Variants in UTRN observed in about 807,000 individuals in gnomAD.
The protein encoded by UTRN is utrophin, also known as dystrophin-related protein 1.
A neutral mutation model predicts 463.9 loss-of-function variants in UTRN; 283 were observed. The observed-to-expected ratio is 0.61, with a 90% CI of 0.55 to 0.67. The LOEUF (loss-of-function observed/expected upper bound fraction) is 0.67, where lower values mean the gene tolerates loss of function less well. UTRN is among the 30% of genes least tolerant of loss of function. The pLI, the probability that UTRN is intolerant of heterozygous loss-of-function variation, is 0.00. For missense variants in UTRN, 3,922 were observed against 4,084.3 expected (o/e 0.96, Z 1.08); for synonymous variants, 1,442 against 1,431.5 (o/e 1.01, Z -0.17).
At chr6:144,396,808 G>A (rs564576064) in intron 2 of UTRN, among the ~76,000 whole-genome samples, 87 of 150,024 alleles carry the variant, frequency 5.8e-4, no homozygotes, top group Non-Finnish European at 1.1e-3. Flanking sequence ...TGCATGTCAT[G>A]AGGGGTAAGT....
At chr6:144,706,429 G>A (rs115735682) in intron 53 of UTRN, among the ~76,000 whole-genome samples, 2,677 of 151,948 alleles carry the variant, frequency 0.018, 75 homozygotes, top group African/African-American at 0.061. Flanking sequence ...AAGCAAACCT[G>A]AGTTTTCATC....
At chr6:144,616,774 C>T (rs917854956) in intron 51 of UTRN, among the ~76,000 whole-genome samples, 1 of 152,114 alleles carries the variant, frequency 6.6e-6, no homozygotes, top group Non-Finnish European at 1.5e-5. Context: ...ATTGTACAGT[C>T]TCTCTGAATT....
At chr6:144,402,962 G>A (rs747256348) in intron 2 of UTRN, among the ~76,000 whole-genome samples, 161 bp from the exon 3 acceptor site, 1 of 152,084 alleles carries the variant, frequency 6.6e-6, no homozygotes, top group Non-Finnish European at 1.5e-5. Context: ...AGTGTACCGG[G>A]CAGTCATCAC....
At chr6:144,614,397 A>G (rs1805850967) in intron 51 of UTRN, among the ~76,000 whole-genome samples, 2 of 152,136 alleles carry the variant, frequency 1.3e-5, no homozygotes, top group African/African-American at 4.8e-5. Flanking sequence ...CCTTCCCCCA[A>G]GGACAGATTC....
chr6:144,510,502 T>C (rs1298826007), intron 34 of UTRN, among the ~76,000 whole-genome samples: 1 of 152,232 alleles, frequency 6.6e-6, no homozygotes, highest in Non-Finnish European at 1.5e-5. Flanking sequence ...TACACATCGA[T>C]AGTTTCCTCT....
intron 2 of UTRN, among the ~76,000 whole-genome samples, chr6:144,382,735 G>C (rs1261046454): frequency 6.6e-6 from 1 of 152,202 alleles, no homozygotes; most frequent in Non-Finnish European, 1.5e-5. Context: ...GATCAAATGA[G>C]ATAATGTGTA....
chr6:144,561,249 ATATATATATATACATACACACACACACG>A (rs1799866220), intron 50 of UTRN, among the ~76,000 whole-genome samples: 1 of 106,470 alleles, frequency 9.4e-6, no homozygotes, highest in African/African-American at 3.0e-5. Context: ...ATATATATAT[ATATATATATATACATACACACACACACG>A]TATACACACC....
intron 33 of UTRN, among the ~76,000 whole-genome samples, chr6:144,497,537 T>C (rs1793774969): frequency 6.8e-6 from 1 of 146,592 alleles, no homozygotes; most frequent in Non-Finnish European, 1.5e-5. Context: ...AAAAATTAGC[T>C]GAGTGTGGTA....
intron 4 of UTRN, among the ~76,000 whole-genome samples, chr6:144,422,240 A>C (rs754640581): frequency 3.9e-5 from 6 of 152,248 alleles, no homozygotes; most frequent in Non-Finnish European, 8.8e-5. Context: ...AATTACAAAA[A>C]AGAATGGATT....
chr6:144,291,117 C>T lies in UTRN; in HGVS notation c.-92-620C>T, dbSNP rs548239731. ...AGGCCAATTTGACCATGTTGGTTCCCTCCTTCGAACCATCTACTGGCTCCC... is the reference window on the plus strand; with the variant it reads ...AGGCCAATTTGACCATGTTGGTTCCTTCCTTCGAACCATCTACTGGCTCCC... On this transcript the variant is annotated intron_variant, in intron 1 of 74. Coordinates refer to ENST00000367545, the MANE Select transcript of UTRN (RefSeq NM_007124.3). Among the ~76,000 whole-genome samples, 5 of 152,216 alleles carry T rather than the reference C, an allele frequency of 3.3e-5. No homozygotes were observed. The South Asian group carries it at 1.0e-3, about 32-fold the overall frequency.
At chr6:144,814,375 G>C (rs1429335882) in intron 65 of UTRN, among the ~76,000 whole-genome samples, 2 of 152,068 alleles carry the variant, frequency 1.3e-5, no homozygotes, top group African/African-American at 4.8e-5. Flanking sequence ...AATCTCTGCT[G>C]TTTTATTTAA....
intron 65 of UTRN, among the ~76,000 whole-genome samples, chr6:144,818,558 T>A (rs1021178154): frequency 6.6e-6 from 1 of 152,192 alleles, no homozygotes; most frequent in African/African-American, 2.4e-5. Flanking sequence ...TGGAGTTTAC[T>A]CCCAAGTAAA....
intron 2 of UTRN, among the ~76,000 whole-genome samples, chr6:144,347,574 T>C (rs6570622): frequency 0.065 from 9,860 of 152,210 alleles, 1,017 homozygotes; most frequent in African/African-American, 0.22. Context: ...GAGTGTGCTA[T>C]GTTAGGCTGA....
At chr6:144,302,393 C>G (rs547115759) in intron 2 of UTRN, among the ~76,000 whole-genome samples, 3 of 152,200 alleles carry the variant, frequency 2.0e-5, no homozygotes, top group African/African-American at 7.2e-5. Flanking sequence ...CACCTGTAAT[C>G]CCAGCTACTT....
chr6:144,611,700 TAAAG>T (rs1470412713), intron 51 of UTRN, among the ~76,000 whole-genome samples: 1 of 151,904 alleles, frequency 6.6e-6, no homozygotes, highest in East Asian at 1.9e-4. Context: ...GAAGAAAAAT[TAAAG>T]AAAACACAAA....
intron 2 of UTRN, among the ~76,000 whole-genome samples, chr6:144,370,331 A>G (rs756540158): frequency 6.6e-6 from 1 of 152,208 alleles, no homozygotes; most frequent in African/African-American, 2.4e-5. Flanking sequence ...CATGGCTACA[A>G]GGGGCCAACG....
intron 65 of UTRN, among the ~76,000 whole-genome samples, chr6:144,813,746 C>T (rs1357986042): frequency 6.6e-6 from 1 of 152,118 alleles, no homozygotes; most frequent in Non-Finnish European, 1.5e-5. Flanking sequence ...AACCAGATAG[C>T]CCCCAAAATA....
At chr6:144,796,295 C>T (rs1425240784) in intron 63 of UTRN, among the ~76,000 whole-genome samples, 1 of 152,142 alleles carries the variant, frequency 6.6e-6, no homozygotes, top group Non-Finnish European at 1.5e-5. Context: ...GAGGGCTCCA[C>T]CCTCATGACC....
intron 64 of UTRN, among the ~76,000 whole-genome samples, chr6:144,802,098 G>A (rs898151381): frequency 2.0e-5 from 3 of 152,188 alleles, no homozygotes; most frequent in Non-Finnish European, 2.9e-5. Context: ...ATGGCTATCT[G>A]CCAAGGGAGT....
Sources: allele counts gnomAD v4.1 joint callset (sites outside exome capture counted in the v4.1 genomes callset), GRCh38; gene constraint gnomAD v4.1.1; transcripts MANE v1.5; gene names NCBI Gene and HGNC (gene_info 2026-07-23, HGNC 2026-07-21).